CLEC3A: variants seen among roughly 807,000 people sequenced by gnomAD.
CLEC3A encodes the protein C-type (calcium dependent, carbohydrate-recognition domain) lectin, superfamily member 1 (cartilage-derived).
Under a neutral mutation model 20.4 loss-of-function variants are expected in CLEC3A, and 28 were observed. The observed-to-expected ratio is 1.37, with a 90% CI of 1.02 to 1.88. The LOEUF (loss-of-function observed/expected upper bound fraction) is 1.88. CLEC3A is among the 40% of genes most tolerant of loss of function. CLEC3A has a pLI of 0.00. For missense variants in CLEC3A, 357 were observed against 240.4 expected (o/e 1.48, Z -3.21); for synonymous variants, 110 against 88.1 (o/e 1.25, Z -1.39).
At chr16:78,029,844 G>C (rs976815764) in intron 2 of CLEC3A, among the ~76,000 whole-genome samples, 2 of 152,060 alleles carry the variant, frequency 1.3e-5, no homozygotes, top group African/African-American at 4.8e-5. Context: ...CTCACATGCT[G>C]CAAAAATTAC....
Position 78,029,815 on chromosome 16 carries a change from G to C in CLEC3A, c.200-632G>C, listed in dbSNP as rs1323779608. On this transcript the variant is annotated intron_variant, in intron 2 of 2. Transcript: ENST00000299642. ...CCATGTCTTGGGATAGGGCAGACCT[G>C]CATTTGGGTAGCTGTGATCTCACAT... 3.3e-5 allele frequency among the ~76,000 whole-genome samples: 5 copies of C among 152,210 alleles called. No individual in the cohort carries two copies. In the South Asian group the frequency reaches 8.3e-4, roughly 25 times the overall value.
chr16:78,023,757 C>CT (rs112037307), intron 1 of CLEC3A, among the ~76,000 whole-genome samples: 1,714 of 134,484 alleles, frequency 0.013, 20 homozygotes, highest in African/African-American at 0.037. Flanking sequence ...TGCAAGGTTT[C>CT]TTTTTTTTTT....
chr16:78,024,313 G>T (rs2018785457), intron 1 of CLEC3A, among the ~76,000 whole-genome samples: 1 of 152,114 alleles, frequency 6.6e-6, no homozygotes, highest in Non-Finnish European at 1.5e-5. Flanking sequence ...GAACATGACT[G>T]AGTGTGCATG....
chr16:78,028,453 T>C (rs1463532954), intron 2 of CLEC3A, among the ~76,000 whole-genome samples: 2 of 152,028 alleles, frequency 1.3e-5, no homozygotes, highest in African/African-American at 4.8e-5. Context: ...CTCTAAAGAG[T>C]AGTGAAACAG....
At position 78,032,012 on chromosome 16, in the gene CLEC3A, T is replaced by A. The variant is rs1392707548; in HGVS notation, c.*1171T>A. On this transcript the variant is annotated 3_prime_UTR_variant, in exon 3 of 3. Transcript: ENST00000299642. ...CATTGAATGTGTTTTGTGAACAATATCCCACTTTGCAAACTTTAACTACAC... is the reference window on the plus strand; with the variant it reads ...CATTGAATGTGTTTTGTGAACAATAACCCACTTTGCAAACTTTAACTACAC... 6.6e-6 allele frequency: 1 copy of A among 152,638 alleles called. No individual in the cohort carries two copies. Among genetic ancestry groups the A allele is most frequent in the Non-Finnish European group, 1.5e-5 (1 of 68,026 alleles). 9.5% of individuals were successfully genotyped at this position (152,638 alleles called of 1,614,324 possible).
chr16:78,023,563 T>C (rs1260329075), intron 1 of CLEC3A, among the ~76,000 whole-genome samples: 3 of 152,182 alleles, frequency 2.0e-5, no homozygotes, highest in East Asian at 3.8e-4. Context: ...TTTCAGGATA[T>C]TTCAGATTAT....
rs1204835002 is a variant in CLEC3A, at chr16:78,029,166, A to T, written c.199+976A>T. The stretch of plus-strand genomic sequence containing the variant: ...AAAGAAGGTAAGTAATTTGTTCAAG[A>T]GATACACAGCTAGTTAAATGTCAGA... On this transcript the variant is annotated intron_variant, in intron 2 of 2. Transcript: ENST00000299642. The T allele has an allele frequency of 6.6e-6, 3 of 455,474 alleles. No individual in the cohort carries two copies. In the Admixed American group the frequency reaches 7.1e-5, roughly 11 times the overall value. The allele number at this position is 455,474 out of a possible 1,614,324, so 28.2% of individuals were successfully genotyped here. A position where few individuals can be genotyped will look rare whatever the true frequency, so the allele number is the denominator to read the frequency against.
rs368482229 is a variant in CLEC3A, at chr16:78,022,749, G to A, written c.115+8G>A. On this transcript the variant is annotated splice_region_variant and intron_variant, in intron 1 of 2. Coordinates refer to ENST00000299642, the MANE Select transcript of CLEC3A (RefSeq NM_005752.6). ...GCAAACGTCGAGTGAGAGGTAATGG[G>A]GCTTCTCAATCAAGCAAAATTCTAG... 37 of 1,613,152 alleles carry A rather than the reference G, an allele frequency of 2.3e-5. No individual in the cohort carries two copies. The highest frequency in any genetic ancestry group is 3.1e-5 in the Non-Finnish European group (36 of 1,179,940).
chr16:78,023,213 T>C (rs1009798715), intron 1 of CLEC3A, among the ~76,000 whole-genome samples: 1 of 152,230 alleles, frequency 6.6e-6, no homozygotes, highest in Admixed American at 6.5e-5. Flanking sequence ...AATGGTGACT[T>C]CCTGTTTTGT....
At chr16:78,030,385 C>T in intron 2 of CLEC3A, 62 bp from the exon 3 acceptor site, 2 of 1,437,608 alleles carry the variant, frequency 1.4e-6, no homozygotes, top group Non-Finnish European at 9.5e-7. Flanking sequence ...TTTGCCAGGT[C>T]CAGCCCTAGT....
chr16:78,026,497 C>A (rs1395292305), intron 1 of CLEC3A, among the ~76,000 whole-genome samples: 1 of 152,094 alleles, frequency 6.6e-6, no homozygotes, highest in Non-Finnish European at 1.5e-5. Context: ...TGGAGCTGGG[C>A]AAATTTAAAT....
At chr16:78,030,157 A>AAAAAG (rs2030049167) in intron 2 of CLEC3A, among the ~76,000 whole-genome samples, 1 of 151,662 alleles carries the variant, frequency 6.6e-6, no homozygotes, top group Non-Finnish European at 1.5e-5. Context: ...CAACTCAAAA[A>AAAAAG]AAAAAAAAAA....
chr16:78,027,318 C>G (rs2029954217), intron 1 of CLEC3A, among the ~76,000 whole-genome samples: 1 of 152,126 alleles, frequency 6.6e-6, no homozygotes, highest in South Asian at 2.1e-4. Context: ...GTTTCAAAGA[C>G]AGATTAGCAG....
At chr16:78,029,954 C>T (rs923354517) in intron 2 of CLEC3A, among the ~76,000 whole-genome samples, 9 of 151,914 alleles carry the variant, frequency 5.9e-5, no homozygotes, top group Non-Finnish European at 1.2e-4. Context: ...GAGATCGAGA[C>T]CATCCTGGCT....
rs989250205 is a variant in CLEC3A, at chr16:78,031,621, A to G, written c.*780A>G. ...TGATAAACGGAAACAGAAAAAAAGAACCTACATTTATTTTGCTTTAGCATC... is the reference window on the plus strand; with the variant it reads ...TGATAAACGGAAACAGAAAAAAAGAGCCTACATTTATTTTGCTTTAGCATC... On this transcript the variant is annotated 3_prime_UTR_variant, in exon 3 of 3. Transcript: ENST00000299642. 6.6e-6 allele frequency: 1 copy of G among 152,184 alleles called. No homozygotes were observed. Among genetic ancestry groups the G allele is most frequent in the Non-Finnish European group, 1.5e-5 (1 of 68,032 alleles). The allele number at this position is 152,184 out of a possible 1,614,324, so 9.4% of individuals were successfully genotyped here. A position where few individuals can be genotyped will look rare whatever the true frequency, so the allele number is the denominator to read the frequency against.
In CLEC3A at chr16:78,030,911, TA is replaced by T; in HGVS notation, c.*75del. On this transcript the variant is annotated 3_prime_UTR_variant, in exon 3 of 3. Coordinates refer to ENST00000299642, the MANE Select transcript of CLEC3A (RefSeq NM_005752.6). The stretch of plus-strand genomic sequence containing the variant: ...TAGGTTCATGATCTCTAAGATCAAG[TA>T]AAAATCATAATTTTTACTTATTAAA... 6.8e-7 allele frequency: 1 copy of T among 1,462,274 alleles called. No individual in the cohort carries two copies. Among genetic ancestry groups the T allele is most frequent in the South Asian group, 1.4e-5 (1 of 71,260 alleles). The allele number at this position is 1,462,274 out of a possible 1,614,324, so 90.6% of individuals were successfully genotyped here.
chr16:78,029,198 A>T, intron 2 of CLEC3A: 1 of 450,842 alleles, frequency 2.2e-6, no homozygotes, highest in South Asian at 1.6e-5. Flanking sequence ...CAGAGATGAG[A>T]CCTAAACCCA....
chr16:78,030,042 A>C (rs2030043399), intron 2 of CLEC3A, among the ~76,000 whole-genome samples: 2 of 151,098 alleles, frequency 1.3e-5, no homozygotes, highest in African/African-American at 4.9e-5. Context: ...AGTCCCAGCT[A>C]CTCGGGAGCC....
At chr16:78,027,574 T>C (rs748248402) in intron 1 of CLEC3A, among the ~76,000 whole-genome samples, 1 of 152,216 alleles carries the variant, frequency 6.6e-6, no homozygotes, top group Non-Finnish European at 1.5e-5. Context: ...ATGATTGCCA[T>C]GAAGCTCTTA....
Sources: gnomAD v4.1 joint callset for allele counts (sites outside exome capture counted in the v4.1 genomes callset) on GRCh38, gnomAD v4.1.1 for gene constraint, MANE v1.5 for transcripts, NCBI Gene and HGNC (gene_info 2026-07-23, HGNC 2026-07-21) for gene names.